Variants in PRR35 observed in about 807,000 individuals in gnomAD.
The protein encoded by PRR35 is proline-rich protein 35.
A neutral mutation model predicts 18.6 loss-of-function variants in PRR35; 14 were observed. That is an observed-to-expected ratio of 0.75 (90% CI 0.50 to 1.18). The LOEUF (loss-of-function observed/expected upper bound fraction) is 1.18. Ranked by LOEUF, PRR35 falls within the 50% of genes most tolerant of loss-of-function variation. The pLI, the probability that PRR35 is intolerant of heterozygous loss-of-function variation, is 0.00. For synonymous variants in PRR35, 425 were observed against 378.2 expected, an observed-to-expected ratio of 1.12 and a Z score of -1.43; for missense variants, 832 against 792.2, an observed-to-expected ratio of 1.05 and a Z score of -0.60.
Position 563,336 on chromosome 16 carries a change from G to A in PRR35, c.42G>A (p.Ala14=), listed in dbSNP as rs370405077. 109 of 1,611,584 alleles carry A rather than the reference G, an allele frequency of 6.8e-5. No individual in the cohort carries two copies. The highest frequency in any genetic ancestry group is 8.1e-5 in the Non-Finnish European group (95 of 1,179,572). The change falls in exon 2 of 3, where the codon GCG becomes GCA. Residue 14 remains alanine (A), a synonymous_variant. Coordinates refer to ENST00000409413, the MANE Select transcript of PRR35 (RefSeq NM_145270.3). ...GCTCATGCCGCGTGGGCACAGGGGCGAGGGCGCGGTCTCGGAAGCCCAAGA... is the reference window on the plus strand; with the variant it reads ...GCTCATGCCGCGTGGGCACAGGGGCAAGGGCGCGGTCTCGGAAGCCCAAGA... ...EAGSCRVGTG[A]RARSRKPKKP... is the part of the protein sequence containing the mutation.
Position 564,804 on chromosome 16 carries a change from G to A in PRR35, c.1213G>A (p.Gly405Ser), listed in dbSNP as rs780713761. ...GPVPGSPEHV[G>S]EDLTRALGDY... ...AGTGCCAGGAAGCCCGGAGCATGTGGGCGAGGACCTGACCCGAGCCCTCGG... is the reference window on the plus strand; with the variant it reads ...AGTGCCAGGAAGCCCGGAGCATGTGAGCGAGGACCTGACCCGAGCCCTCGG... Residue 405 changes from glycine (G) to serine (S), a missense_variant, in exon 3 of 3, where the codon GGC (glycine) becomes AGC (serine). This residue lies in a region of PRR35 where 768 missense variants were observed against 704.1 expected (regional missense o/e 1.09). Transcript: ENST00000409413. The A allele has an allele frequency of 6.4e-7, 1 of 1,557,166 alleles. No homozygotes were observed. The highest frequency in any genetic ancestry group is 8.6e-7 in the Non-Finnish European group (1 of 1,156,510).
rs759707844 is a variant in PRR35 at position 564,280 on chromosome 16, C to A, written c.986C>A (p.Ala329Glu). Residue 329 changes from alanine to glutamate, a missense_variant, in exon 2 of 3, where the codon GCA (alanine) becomes GAA (glutamate). This residue lies in a region of PRR35 where 768 missense variants were observed against 704.1 expected (regional missense o/e 1.09). Transcript: ENST00000409413. The part of the protein sequence containing the change: ...DPGQEGELER[A>E]AQSDPRRRLS... ...GGGCAGGAGGGGGAGCTGGAGCGGG[C>A]AGCCCAGAGTGACCCCAGGAGGAGG... 6.3e-7 allele frequency: 1 copy of A among 1,576,912 alleles called. No homozygotes were observed. Among genetic ancestry groups the A allele is most frequent in the Non-Finnish European group, 8.6e-7 (1 of 1,166,148 alleles).
In PRR35 at chr16:564,132, A is replaced by C; in HGVS notation, c.838A>C (p.Lys280Gln). The C allele has an allele frequency of 6.3e-7, 1 of 1,574,894 alleles. No individual in the cohort carries two copies. The highest frequency in any genetic ancestry group is 8.6e-7 in the Non-Finnish European group (1 of 1,168,622). ...GCACACTCTGGGGCTGCCAGCAGGCAAAGCTGCCCTTGCCAAGGCCCCTGT... is the reference window on the plus strand; with the variant it reads ...GCACACTCTGGGGCTGCCAGCAGGCCAAGCTGCCCTTGCCAAGGCCCCTGT... ...LEHTLGLPAG[K>Q]AALAKAPVSP... The change falls in exon 2 of 3, where the codon AAA becomes CAA. Residue 280 changes from lysine (K) to glutamine (Q), a missense_variant. Around this residue, in one of 3 missense-constraint regions of PRR35, gnomAD observed 768 missense variants for 704.1 expected, o/e 1.09. Transcript: ENST00000409413.
chr16:565,330 T>G lies in PRR35; in HGVS notation c.*23T>G. 6.9e-7 allele frequency: 1 copy of G among 1,447,294 alleles called. No individual in the cohort carries two copies. The highest frequency in any genetic ancestry group is 1.5e-5 in the South Asian group (1 of 67,198). The allele number at this position is 1,447,294 out of a possible 1,614,324, so 89.7% of individuals were successfully genotyped here. A position where few individuals can be genotyped will look rare whatever the true frequency, so the allele number is the denominator to read the frequency against. The stretch of plus-strand genomic sequence containing the variant: ...TGACCTGCAGCGCCTGAGGTCTGAC[T>G]GTCTCTGCCTGCAGCATGCCGGCCC... On this transcript the variant is annotated 3_prime_UTR_variant, in exon 3 of 3. Coordinates refer to ENST00000409413, the MANE Select transcript of PRR35 (RefSeq NM_145270.3).
intron 1 of PRR35, 150 bp downstream of exon 1, chr16:560,811 G>A (rs1236713263): frequency 4.7e-6 from 3 of 636,302 alleles, no homozygotes; most frequent in East Asian, 1.4e-4. Context: ...CAGGAGCAGC[G>A]CGGGGGGAGG....
chr16:565,364 C>T lies in PRR35; in HGVS notation c.*57C>T, dbSNP rs1440819928. On this transcript the variant is annotated 3_prime_UTR_variant, in exon 3 of 3. Transcript: ENST00000409413. ...CTGCAGCATGCCGGCCCCTCTCCTG[C>T]AGCCCCTGCCCCTCACCTGCCTGGG... The T allele has an allele frequency of 5.7e-6, 8 of 1,404,690 alleles. No individual in the cohort carries two copies. The highest frequency in any genetic ancestry group is 1.5e-5 in the African/African-American group (1 of 67,862). 87.0% of individuals were successfully genotyped at this position (1,404,690 alleles called of 1,614,324 possible).
intron 1 of PRR35, among the ~76,000 whole-genome samples, chr16:561,966 C>T (rs534093195): frequency 3.2e-4 from 49 of 152,320 alleles, no homozygotes; most frequent in East Asian, 1.3e-3. Flanking sequence ...GCCAGGGCCC[C>T]GCACTTGGTG....
intron 1 of PRR35, 115 bp downstream of exon 1, chr16:560,776 TCC>T: frequency 1.2e-6 from 1 of 819,462 alleles, no homozygotes; most frequent in Non-Finnish European, 1.4e-6. Flanking sequence ...GGCGGCCGGG[TCC>T]CCCCCACCCT....
In PRR35 at chr16:564,030, G is replaced by A; in HGVS notation, c.736G>A (p.Ala246Thr). ...CTCGGCCAGCCCCCTGCTGCCCCCG[G>A]CCACGGCCTTCCCAGCCGTGCAGCC... is the stretch of plus-strand genomic sequence containing the variant. ...LASASPLLPP[A>T]TAFPAVQPPQ... Residue 246 changes from alanine to threonine, a missense_variant, in exon 2 of 3, where the codon GCC becomes ACC. Physicochemically the swap from Ala to Thr is moderately conservative, Grantham distance 58. Transcript: ENST00000409413. 1 of 1,580,526 alleles carries A rather than the reference G, an allele frequency of 6.3e-7. No homozygotes were observed. Among genetic ancestry groups the A allele is most frequent in the Non-Finnish European group, 8.6e-7 (1 of 1,168,368 alleles).
Position 563,287 on chromosome 16 carries a change from A to G in PRR35, c.-8A>G, listed in dbSNP as rs1371841527. The stretch of plus-strand genomic sequence containing the variant: ...ATGGTGCCCGGCCCTGCCTCATAGC[A>G]GGCTGCCATGTCGCGGGAGGCGGGC... On this transcript the variant is annotated 5_prime_UTR_variant, in exon 2 of 3. Coordinates refer to ENST00000409413, the MANE Select transcript of PRR35 (RefSeq NM_145270.3). 1 of 1,598,478 alleles carries G rather than the reference A, an allele frequency of 6.3e-7. No individual in the cohort carries two copies. The highest frequency in any genetic ancestry group is 8.5e-7 in the Non-Finnish European group (1 of 1,174,362).
At position 563,683 on chromosome 16, in the gene PRR35, C is replaced by G; in HGVS notation, c.389C>G (p.Pro130Arg). 6.4e-7 allele frequency: 1 copy of G among 1,565,602 alleles called. No homozygotes were observed. The highest frequency in any genetic ancestry group is 8.6e-7 in the Non-Finnish European group (1 of 1,162,104). ...CACTCCCTGCACTGTGGCGGAGGCCCCAAGTCCAGGGCCAAGGGGTCCCCA... is the reference window on the plus strand; with the variant it reads ...CACTCCCTGCACTGTGGCGGAGGCCGCAAGTCCAGGGCCAAGGGGTCCCCA... ...DIHSLHCGGG[P>R]KSRAKGSPGP... Residue 130 changes from proline to arginine, a missense_variant, in exon 2 of 3, where the codon CCC becomes CGC. Around this residue, in one of 3 missense-constraint regions of PRR35, gnomAD observed 768 missense variants for 704.1 expected, o/e 1.09. Coordinates refer to ENST00000409413, the MANE Select transcript of PRR35 (RefSeq NM_145270.3).
Position 565,020 on chromosome 16 carries a change from C to T in PRR35, c.1429C>T (p.Pro477Ser), listed in dbSNP as rs1232060028. The T allele has an allele frequency of 2.5e-6, 4 of 1,604,422 alleles. No individual in the cohort carries two copies. The highest frequency in any genetic ancestry group is 3.4e-5 in the Admixed American group (2 of 59,044). ...TGTGAAACGTGCGCCCGCCAAGGGG[C>T]CCCAGGCTCTTGGAGAGGCGTGGGG... ...LSVKRAPAKG[P>S]QALGEAWGRP... is the part of the protein sequence containing the mutation. Residue 477 changes from proline (P) to serine (S), a missense_variant, in exon 3 of 3, where the codon CCC becomes TCC. Coordinates refer to ENST00000409413, the MANE Select transcript of PRR35 (RefSeq NM_145270.3).
chr16:565,348 GC>G lies in PRR35; in HGVS notation c.*43del. 2.1e-6 allele frequency: 3 copies of G among 1,427,176 alleles called. No individual in the cohort carries two copies. Among genetic ancestry groups the G allele is most frequent in the Non-Finnish European group, 2.8e-6 (3 of 1,089,256 alleles). 88.4% of individuals were successfully genotyped at this position (1,427,176 alleles called of 1,614,324 possible). On this transcript the variant is annotated 3_prime_UTR_variant, in exon 3 of 3. Coordinates refer to ENST00000409413, the MANE Select transcript of PRR35 (RefSeq NM_145270.3). ...GTCTGACTGTCTCTGCCTGCAGCATGCCGGCCCCTCTCCTGCAGCCCCTGCC... is the reference window on the plus strand; with the variant it reads ...GTCTGACTGTCTCTGCCTGCAGCATGCGGCCCCTCTCCTGCAGCCCCTGCC...
In PRR35 at chr16:564,557, C is replaced by T. The variant is rs541737773; in HGVS notation, c.1083-117C>T. ...GCCAGCGCGGGGGTCCTCGGGGTCT[C>T]CAGGAGAGCCTAGGCTCTAGGCTGG... On this transcript the variant is annotated intron_variant, in intron 2 of 2. Coordinates refer to ENST00000409413, the MANE Select transcript of PRR35 (RefSeq NM_145270.3). The T allele has an allele frequency of 1.5e-4, 212 of 1,403,756 alleles. 3 individuals are homozygous for T. In the East Asian group the frequency reaches 5.2e-3, roughly 34 times the overall value. 87.0% of individuals were successfully genotyped at this position (1,403,756 alleles called of 1,614,324 possible).
rs1424839849 is a variant in PRR35, at chr16:565,129, C to T, written c.1538C>T (p.Ser513Phe). Residue 513 changes from serine to phenylalanine, a missense_variant, in exon 3 of 3, where the codon TCT becomes TTT. By Grantham distance (155) the Ser-to-Phe change is radical (BLOSUM62 -2). This residue lies in a region of PRR35 where 768 missense variants were observed against 704.1 expected (regional missense o/e 1.09). Transcript: ENST00000409413. ...GGCCCTGCAGCGCCCCAACCCTTCTCTGGCCACACCACCAAGTGTGAGGCC... is the reference window on the plus strand; with the variant it reads ...GGCCCTGCAGCGCCCCAACCCTTCTTTGGCCACACCACCAAGTGTGAGGCC... ...MLGPAAPQPF[S>F]GHTTKCEADS... 4 of 1,605,618 alleles carry T rather than the reference C, an allele frequency of 2.5e-6. No homozygotes were observed. The highest frequency in any genetic ancestry group is 1.7e-4 in the Middle Eastern group (1 of 6,034).
In PRR35 at chr16:564,878, G is replaced by A. The variant is rs747479231; in HGVS notation, c.1287G>A (p.Gly429=). The A allele has an allele frequency of 3.2e-6, 5 of 1,574,396 alleles. No individual in the cohort carries two copies. The highest frequency in any genetic ancestry group is 4.3e-6 in the Non-Finnish European group (5 of 1,164,892). The part of the protein sequence containing the change: ...EQRLGQLGPA[G]GLAPRPLREQ... ...GCCTGGGACAGTTGGGGCCCGCGGG[G>A]GGCCTGGCCCCGAGACCCCTGCGGG... The change falls in exon 3 of 3, where the codon GGG becomes GGA. Residue 429 remains glycine, a synonymous_variant. Transcript: ENST00000409413.
intron 1 of PRR35, 157 bp downstream of exon 1, chr16:560,818 G>A (rs911700055): frequency 2.2e-5 from 11 of 491,830 alleles, no homozygotes; most frequent in Non-Finnish European, 2.9e-5. Flanking sequence ...AGCGCGGGGG[G>A]AGGGAGGGCC....
Position 565,361 on chromosome 16 carries a change from C to T in PRR35, c.*54C>T. The stretch of plus-strand genomic sequence containing the variant: ...TGCCTGCAGCATGCCGGCCCCTCTC[C>T]TGCAGCCCCTGCCCCTCACCTGCCT... On this transcript the variant is annotated 3_prime_UTR_variant, in exon 3 of 3. Coordinates refer to ENST00000409413, the MANE Select transcript of PRR35 (RefSeq NM_145270.3). 1 of 1,407,764 alleles carries T rather than the reference C, an allele frequency of 7.1e-7. No individual in the cohort carries two copies. Among genetic ancestry groups the T allele is most frequent in the South Asian group, 1.5e-5 (1 of 64,828 alleles). The allele number at this position is 1,407,764 out of a possible 1,614,324, so 87.2% of individuals were successfully genotyped here.
At chr16:563,092 G>A (rs1438642930) in intron 1 of PRR35, among the ~76,000 whole-genome samples, 164 bp from the exon 2 acceptor site, 1 of 150,258 alleles carries the variant, frequency 6.7e-6, no homozygotes, top group Non-Finnish European at 1.5e-5. Flanking sequence ...GTGCACGTGG[G>A]GAGGAGCCGA....
Sources: allele counts gnomAD v4.1 joint callset (sites outside exome capture counted in the v4.1 genomes callset), GRCh38; gene constraint gnomAD v4.1.1; regional missense constraint gnomAD v4.1.1; transcripts MANE v1.5; gene names NCBI Gene and HGNC (gene_info 2026-07-23, HGNC 2026-07-21).